The following PRRX2 variants were observed in gnomAD, a reference collection of about 807,000 sequenced individuals.
PRRX2 encodes the protein paired mesoderm homeobox protein 2.
In PRRX2, 11 loss-of-function variants were observed where a neutral mutation model predicts 18.0. The ratio of observed to expected loss-of-function variants is 0.61; its 90% CI spans 0.39 to 1.01. PRRX2 has a LOEUF of 1.01. Ranked by LOEUF, PRRX2 falls within the 50% of genes least tolerant of loss-of-function variation. The pLI, the probability that PRRX2 is intolerant of heterozygous loss-of-function variation, is 0.01. For synonymous variants in PRRX2, 177 were observed against 154.8 expected (o/e 1.14, Z -1.06); for missense variants, 387 against 351.0 (o/e 1.10, Z -0.82).
At chr9:129,681,274 C>A (rs1034519670) in intron 1 of PRRX2, among the ~76,000 whole-genome samples, 1 of 152,336 alleles carries the variant, frequency 6.6e-6, no homozygotes, top group African/African-American at 2.4e-5. Context: ...AATCCCAGCA[C>A]TTTGGGAGGC....
intron 1 of PRRX2, among the ~76,000 whole-genome samples, chr9:129,717,567 G>C (rs1832725659): frequency 6.6e-6 from 1 of 151,604 alleles, no homozygotes; most frequent in African/African-American, 2.4e-5. Context: ...ATGTTGGTGG[G>C]CGCCTGTAAT....
intron 1 of PRRX2, among the ~76,000 whole-genome samples, chr9:129,693,860 A>C (rs1377380613): frequency 2.0e-5 from 3 of 152,218 alleles, no homozygotes. Context: ...TCTGTGGTCT[A>C]TGTGGAACTT....
chr9:129,667,148 C>T (rs1463100870), intron 1 of PRRX2, among the ~76,000 whole-genome samples: 1 of 58,378 alleles, frequency 1.7e-5, no homozygotes, highest in African/African-American at 1.0e-4. Flanking sequence ...GCCTGCCTTT[C>T]ACGGGGCACC....
intron 1 of PRRX2, among the ~76,000 whole-genome samples, chr9:129,714,259 C>G (rs1832674923): frequency 6.6e-6 from 1 of 151,966 alleles, no homozygotes; most frequent in East Asian, 2.0e-4. Context: ...GAGCCGAGAT[C>G]GTGCCACTGT....
intron 1 of PRRX2, among the ~76,000 whole-genome samples, chr9:129,699,921 C>G (rs1031708572): frequency 2.6e-5 from 4 of 152,130 alleles, no homozygotes; most frequent in African/African-American, 9.7e-5. Flanking sequence ...CACATGGTTG[C>G]TTCTGCCTCT....
chr9:129,665,699 G>A lies in PRRX2; in HGVS notation c.-169G>A. 1 of 355,888 alleles carries A rather than the reference G, an allele frequency of 2.8e-6. No homozygotes were observed. The highest frequency in any genetic ancestry group is 4.0e-6 in the Non-Finnish European group (1 of 251,846). 22.0% of individuals were successfully genotyped at this position (355,888 alleles called of 1,614,324 possible). A position where few individuals can be genotyped will look rare whatever the true frequency, so the allele number is the denominator to read the frequency against. On this transcript the variant is annotated 5_prime_UTR_variant, in exon 1 of 4. Transcript: ENST00000372469. The surrounding 1 kb of genome is among the most constrained non-coding windows in gnomAD (Gnocchi z 5.3). ...GGCCGTGGCTGAGAAGGGGAGGGCG[G>A]AAAGTTTGTTTCCCCGACGTCAGCG...
At chr9:129,667,402 T>C (rs769871305) in intron 1 of PRRX2, among the ~76,000 whole-genome samples, 3 of 152,152 alleles carry the variant, frequency 2.0e-5, no homozygotes, top group Non-Finnish European at 2.9e-5. Flanking sequence ...CCAAGGTCAT[T>C]TGAGGACCTC....
At chr9:129,721,611 GCT>G (rs1832792891) in intron 3 of PRRX2, among the ~76,000 whole-genome samples, 1 of 151,778 alleles carries the variant, frequency 6.6e-6, no homozygotes, top group Non-Finnish European at 1.5e-5. Flanking sequence ...ACAGAGTCTC[GCT>G]CTGTCACCCA....
At chr9:129,708,463 T>A (rs1238027368) in intron 1 of PRRX2, among the ~76,000 whole-genome samples, 1 of 152,256 alleles carries the variant, frequency 6.6e-6, no homozygotes. Flanking sequence ...ATTTGTGTAT[T>A]TTCTTTAGAG....
Position 129,665,852 on chromosome 9 carries a change from G to A in PRRX2, c.-16G>A. ...GCCCGAGACCCCCGCCGGCCCCCCCGGGGCCGCTCGCGGGCATGGACAGCG... is the reference window on the plus strand; with the variant it reads ...GCCCGAGACCCCCGCCGGCCCCCCCAGGGCCGCTCGCGGGCATGGACAGCG... On this transcript the variant is annotated 5_prime_UTR_variant, in exon 1 of 4. Coordinates refer to ENST00000372469, the MANE Select transcript of PRRX2 (RefSeq NM_016307.4). The surrounding 1 kb of genome is among the most constrained non-coding windows in gnomAD (Gnocchi z 5.3). 3 of 1,037,434 alleles carry A rather than the reference G, an allele frequency of 2.9e-6. No individual in the cohort carries two copies. Among genetic ancestry groups the A allele is most frequent in the Non-Finnish European group, 3.5e-6 (3 of 867,048 alleles). The allele number at this position is 1,037,434 out of a possible 1,614,324, so 64.3% of individuals were successfully genotyped here.
chr9:129,678,037 C>G (rs1270550177), intron 1 of PRRX2, among the ~76,000 whole-genome samples: 1 of 147,550 alleles, frequency 6.8e-6, no homozygotes, highest in Non-Finnish European at 1.5e-5. Flanking sequence ...AATCTCGGCT[C>G]GCTACAACCT....
chr9:129,719,159 G>T, intron 1 of PRRX2, 72 bp from the exon 2 acceptor site: 1 of 1,386,332 alleles, frequency 7.2e-7, no homozygotes, highest in Admixed American at 2.8e-5. Context: ...GCAAACTGCA[G>T]AGTTGGGGGC....
intron 1 of PRRX2, among the ~76,000 whole-genome samples, chr9:129,678,280 C>A (rs1425681191): frequency 6.6e-6 from 1 of 152,012 alleles, no homozygotes; most frequent in Non-Finnish European, 1.5e-5. Flanking sequence ...GCGGCTTTTT[C>A]AAGGGGCTGG....
In PRRX2 at chr9:129,665,927, G is replaced by A. The variant is rs1324126415; in HGVS notation, c.60G>A (p.Pro20=). ...LDKPALGPGP[P]PPPPALGPGD... is the part of the protein sequence containing the mutation. ...AGCCGGCGCTGGGCCCGGGGCCGCC[G>A]CCGCCTCCACCCGCGCTGGGGCCCG... Residue 20 remains proline (P), a synonymous_variant, in exon 1 of 4, where the codon CCG becomes CCA. Coordinates refer to ENST00000372469, the MANE Select transcript of PRRX2 (RefSeq NM_016307.4). The surrounding 1 kb of genome is among the most constrained non-coding windows in gnomAD (Gnocchi z 5.3). 2 of 1,117,074 alleles carry A rather than the reference G, an allele frequency of 1.8e-6. No homozygotes were observed. The highest frequency in any genetic ancestry group is 1.1e-6 in the Non-Finnish European group (1 of 914,598). 69.2% of individuals were successfully genotyped at this position (1,117,074 alleles called of 1,614,324 possible).
chr9:129,715,076 C>T lies in PRRX2; in HGVS notation c.260-4155C>T, dbSNP rs369241485. Among the ~76,000 whole-genome samples, 115 of 152,186 alleles carry T rather than the reference C, an allele frequency of 7.6e-4. No homozygotes were observed. Among genetic ancestry groups the T allele is most frequent in the African/African-American group, 2.7e-3 (110 of 41,504 alleles). On this transcript the variant is annotated intron_variant, in intron 1 of 3. Transcript: ENST00000372469. This position sits in a 1 kb window ranked among gnomAD's most constrained non-coding sequence, Gnocchi z 4.0. ...TTTGCTTGAGGAGTGAAGAGTGAAG[C>T]GGTCCCGGCAATGAGACCAGCTCCA...
rs777113929 is a variant in PRRX2 at position 129,720,619 on chromosome 9, C to A, written c.471C>A (p.Ala157=). 1.3e-5 allele frequency: 21 copies of A among 1,611,866 alleles called. No homozygotes were observed. The highest frequency in any genetic ancestry group is 1.8e-5 in the Non-Finnish European group (21 of 1,178,816). ...AGGTCTGGTTTCAGAACCGCCGCGC[C>A]AAGTTCCGCAGGAATGAAAGGGCCA... The part of the protein sequence containing the change: ...RVQVWFQNRR[A]KFRRNERAML... The change falls in exon 3 of 4, where the codon GCC becomes GCA. Residue 157 remains alanine, a synonymous_variant. Transcript: ENST00000372469.
chr9:129,679,683 A>G (rs1289394982), intron 1 of PRRX2, among the ~76,000 whole-genome samples: 2 of 152,186 alleles, frequency 1.3e-5, no homozygotes, highest in Non-Finnish European at 1.5e-5. Context: ...GGGAAAGGTA[A>G]GAAGGTTCCA....
chr9:129,687,120 C>T (rs750350806), intron 1 of PRRX2, among the ~76,000 whole-genome samples: 4 of 151,980 alleles, frequency 2.6e-5, no homozygotes, highest in African/African-American at 2.4e-5. Context: ...GGCTGCAGGC[C>T]GGGCATGGTG....
At chr9:129,676,130 CCTT>C (rs1251066636) in intron 1 of PRRX2, among the ~76,000 whole-genome samples, 1 of 152,170 alleles carries the variant, frequency 6.6e-6, no homozygotes, top group African/African-American at 2.4e-5. Flanking sequence ...GCCTCCTTCT[CCTT>C]CTGTCCTTCC....
Sources: gnomAD v4.1 joint callset for allele counts (sites outside exome capture counted in the v4.1 genomes callset) on GRCh38, gnomAD v4.1.1 for gene constraint, Gnocchi (gnomAD v3.1) non-coding constraint, MANE v1.5 for transcripts, NCBI Gene and HGNC (gene_info 2026-07-23, HGNC 2026-07-21) for gene names.